The following TMEFF1 variants were observed in gnomAD, a reference collection of about 807,000 sequenced individuals.
The protein encoded by TMEFF1 is transmembrane protein with EGF like and two follistatin like domains 1.
In TMEFF1, 20 loss-of-function variants were observed where a neutral mutation model predicts 47.5. That is an observed-to-expected ratio of 0.42 (90% CI 0.30 to 0.61). The LOEUF is 0.61. Among genes scored for constraint, TMEFF1 ranks in the 20% least tolerant of loss-of-function variants. The probability of loss-of-function intolerance (pLI) is 0.19; values close to 1 mark genes in which losing one functional copy is unlikely to be tolerated. For synonymous variants in TMEFF1, 162 were observed against 166.3 expected, an observed-to-expected ratio of 0.97 and a Z score of 0.20; for missense variants, 411 against 471.1, an observed-to-expected ratio of 0.87 and a Z score of 1.18.
At chr9:100,559,133 A>C (rs1238315893) in intron 7 of TMEFF1, among the ~76,000 whole-genome samples, 1 of 152,162 alleles carries the variant, frequency 6.6e-6, no homozygotes, top group Admixed American at 6.6e-5. Flanking sequence ...TAAGGAGCTC[A>C]CAGTCTTATG....
At chr9:100,497,885 A>G (rs1358086452) in intron 1 of TMEFF1, among the ~76,000 whole-genome samples, 1 of 150,416 alleles carries the variant, frequency 6.6e-6, no homozygotes, top group Admixed American at 6.6e-5. Flanking sequence ...CTGCTCCCAG[A>G]CTCATGTATT....
intron 3 of TMEFF1, among the ~76,000 whole-genome samples, chr9:100,513,033 G>A (rs1837996836): frequency 6.6e-6 from 1 of 151,962 alleles, no homozygotes; most frequent in Non-Finnish European, 1.5e-5. Context: ...TTACTTTACA[G>A]TATTTATTGT....
intron 2 of TMEFF1, among the ~76,000 whole-genome samples, chr9:100,503,772 A>G (rs144743812): frequency 7.9e-4 from 121 of 152,304 alleles, no homozygotes; most frequent in African/African-American, 2.6e-3. Flanking sequence ...GAAGAATTCT[A>G]TTCAGTTCTT....
At position 100,504,786 on chromosome 9, in the gene TMEFF1, A is replaced by G. The variant is rs570128929; in HGVS notation, c.307-4219A>G. Among the ~76,000 whole-genome samples the G allele has an allele frequency of 5.3e-5, 8 of 152,298 alleles. No homozygotes were observed. In the East Asian group the frequency reaches 1.4e-3, roughly 26 times the overall value. ...CTAAGCATTCAACCATGTGCTTCAC[A>G]TGGTTTATGATATTTAAGTTAGGAC... On this transcript the variant is annotated intron_variant, in intron 2 of 9. Coordinates refer to ENST00000374879, the MANE Select transcript of TMEFF1 (RefSeq NM_003692.5).
chr9:100,576,488 TTCTC>T (rs771469804), intron 9 of TMEFF1, 24 bp from the exon 10 acceptor site: 14 of 1,601,838 alleles, frequency 8.7e-6, no homozygotes, highest in Non-Finnish European at 1.1e-5. Context: ...AACAATATTT[TTCTC>T]TCTTTCTTTT....
Position 100,577,267 on chromosome 9 carries a change from G to A in TMEFF1, c.*667G>A, listed in dbSNP as rs1216034574. 1 of 152,572 alleles carries A rather than the reference G, an allele frequency of 6.6e-6. No homozygotes were observed. The highest frequency in any genetic ancestry group is 2.4e-5 in the African/African-American group (1 of 41,436). 9.5% of individuals were successfully genotyped at this position (152,572 alleles called of 1,614,324 possible). A position where few individuals can be genotyped will look rare whatever the true frequency, so the allele number is the denominator to read the frequency against. ...TGTTTAACAAACAGATTGGAATAAAGCCTATTCTACCAGTTAAACTACTTT... is the reference window on the plus strand; with the variant it reads ...TGTTTAACAAACAGATTGGAATAAAACCTATTCTACCAGTTAAACTACTTT... On this transcript the variant is annotated 3_prime_UTR_variant, in exon 10 of 10. Coordinates refer to ENST00000374879, the MANE Select transcript of TMEFF1 (RefSeq NM_003692.5).
At chr9:100,519,937 A>C (rs75143842) in intron 5 of TMEFF1, among the ~76,000 whole-genome samples, 264 of 152,230 alleles carry the variant, frequency 1.7e-3, no homozygotes, top group African/African-American at 6.0e-3. Context: ...ATATTAAGTC[A>C]AACAAAATTC....
intron 1 of TMEFF1, among the ~76,000 whole-genome samples, chr9:100,493,215 C>T (rs1424689197): frequency 6.6e-6 from 1 of 152,156 alleles, no homozygotes; most frequent in East Asian, 1.9e-4. Context: ...ATATTCCCTA[C>T]AACAAAGAAT....
At chr9:100,484,563 C>T (rs2118257519) in intron 1 of TMEFF1, among the ~76,000 whole-genome samples, 1 of 152,160 alleles carries the variant, frequency 6.6e-6, no homozygotes, top group Admixed American at 6.5e-5. Flanking sequence ...AGGTGATCCG[C>T]CTGCCTTGGC....
Position 100,473,325 on chromosome 9 carries a change from G to C in TMEFF1, c.-220G>C. 1 of 200,672 alleles carries C rather than the reference G, an allele frequency of 5.0e-6. No homozygotes were observed. The allele number at this position is 200,672 out of a possible 1,614,324, so 12.4% of individuals were successfully genotyped here. A position where few individuals can be genotyped will look rare whatever the true frequency, so the allele number is the denominator to read the frequency against. On this transcript the variant is annotated 5_prime_UTR_variant, in exon 1 of 10. Transcript: ENST00000374879. This position sits in a 1 kb window ranked among gnomAD's most constrained non-coding sequence, Gnocchi z 5.4. ...CCCTCGCGCGCACCCTTGCGCGCCC[G>C]CGACCCTCGCACGCGCCCGGACCCG...
At chr9:100,569,744 C>T (rs1178176221) in intron 8 of TMEFF1, among the ~76,000 whole-genome samples, 2 of 152,050 alleles carry the variant, frequency 1.3e-5, no homozygotes, top group Non-Finnish European at 2.9e-5. Context: ...TGTGAAATGT[C>T]CAATCAAGCT....
At chr9:100,513,387 CTTT>C (rs1183935293) in intron 4 of TMEFF1, 54 bp downstream of exon 4, 3 of 1,380,614 alleles carry the variant, frequency 2.2e-6, no homozygotes, top group South Asian at 1.6e-5. Context: ...TTCTTTCTTT[CTTT>C]TTCTTTTTTT....
chr9:100,480,261 A>G (rs1056373314), intron 1 of TMEFF1, among the ~76,000 whole-genome samples: 7 of 152,264 alleles, frequency 4.6e-5, no homozygotes, highest in African/African-American at 1.4e-4. Flanking sequence ...ATCAGTTCCC[A>G]CAGCAAGCAC....
intron 1 of TMEFF1, among the ~76,000 whole-genome samples, chr9:100,496,719 A>G (rs943986342): frequency 2.0e-5 from 3 of 152,254 alleles, no homozygotes; most frequent in African/African-American, 7.2e-5. Flanking sequence ...AAACATTACA[A>G]TTCAAGAGTC....
At chr9:100,486,085 T>A (rs1837443086) in intron 1 of TMEFF1, among the ~76,000 whole-genome samples, 1 of 152,038 alleles carries the variant, frequency 6.6e-6, no homozygotes, top group East Asian at 1.9e-4. Context: ...TTCCATGGAT[T>A]AAAAAAGGGA....
intron 9 of TMEFF1, among the ~76,000 whole-genome samples, chr9:100,574,297 T>G (rs1045904004): frequency 2.0e-5 from 3 of 152,186 alleles, no homozygotes; most frequent in African/African-American, 7.2e-5. Context: ...TTTAAGTCAT[T>G]ATTAGAGTTA....
chr9:100,554,176 T>G (rs1337437747), intron 7 of TMEFF1, among the ~76,000 whole-genome samples: 1 of 152,208 alleles, frequency 6.6e-6, no homozygotes, highest in African/African-American at 2.4e-5. Context: ...GATAGCGAGA[T>G]AGTGATATCA....
At chr9:100,575,708 C>T (rs1217406573) in intron 9 of TMEFF1, among the ~76,000 whole-genome samples, 1 of 152,096 alleles carries the variant, frequency 6.6e-6, no homozygotes, top group Non-Finnish European at 1.5e-5. Context: ...GCTAGTCCAA[C>T]TCCTAATTTA....
At chr9:100,547,174 C>T (rs1391174811) in intron 5 of TMEFF1, among the ~76,000 whole-genome samples, 3 of 152,054 alleles carry the variant, frequency 2.0e-5, no homozygotes, top group African/African-American at 7.2e-5. Flanking sequence ...CACCACTGTG[C>T]CTGGCTAAGT....
Sources: gnomAD v4.1 joint callset for allele counts (sites outside exome capture counted in the v4.1 genomes callset) on GRCh38, gnomAD v4.1.1 for gene constraint, Gnocchi (gnomAD v3.1) non-coding constraint, MANE v1.5 for transcripts, NCBI Gene and HGNC (gene_info 2026-07-23, HGNC 2026-07-21) for gene names.